RPTOR: variants seen among roughly 807,000 people sequenced by gnomAD.
The protein encoded by RPTOR is regulatory-associated protein of mTOR.
A neutral mutation model predicts 169.9 loss-of-function variants in RPTOR; 21 were observed. That is an observed-to-expected ratio of 0.12 (90% CI 0.09 to 0.18). The LOEUF is 0.18. Among genes scored for constraint, RPTOR ranks in the 10% least tolerant of loss-of-function variants. RPTOR has a pLI of 1.00. For missense variants in RPTOR, 1,133 were observed against 1,855.9 expected (o/e 0.61, Z 7.16); for synonymous variants, 732 against 753.2 (o/e 0.97, Z 0.46).
At chr17:80,950,189 G>A (rs1049920389) in intron 28 of RPTOR, among the ~76,000 whole-genome samples, 1 of 152,218 alleles carries the variant, frequency 6.6e-6, no homozygotes, top group Non-Finnish European at 1.5e-5. Flanking sequence ...CCAGGCATTC[G>A]CCTCTAGGAG....
intron 6 of RPTOR, among the ~76,000 whole-genome samples, chr17:80,760,754 C>T (rs939926451): frequency 5.3e-5 from 8 of 152,188 alleles, no homozygotes; most frequent in Admixed American, 3.3e-4. Flanking sequence ...TGGAGAAGGG[C>T]GATGCTCGGG....
chr17:80,573,258 A>G lies in RPTOR; in HGVS notation c.162+27467A>G, dbSNP rs150507209. ...GGCTATTCTTGTTCTTTTGTTCTTC[A>G]TATAGGTTTAACAATTAGCTTGACG... On this transcript the variant is annotated intron_variant, in intron 1 of 33. Coordinates refer to ENST00000306801, the MANE Select transcript of RPTOR (RefSeq NM_020761.3). Among the ~76,000 whole-genome samples, 415 of 152,292 alleles carry G rather than the reference A, an allele frequency of 2.7e-3. 2 individuals are homozygous for G. Among genetic ancestry groups the G allele is most frequent in the Non-Finnish European group, 4.1e-3 (280 of 68,026 alleles).
intron 6 of RPTOR, among the ~76,000 whole-genome samples, chr17:80,772,893 C>T (rs2066858469): frequency 6.6e-6 from 1 of 152,152 alleles, no homozygotes; most frequent in South Asian, 2.1e-4. Context: ...GGTGTGAACT[C>T]GCCTGGGGCT....
In RPTOR at chr17:80,844,143, C is replaced by T. The variant is rs994799847; in HGVS notation, c.1213-2330C>T. Among the ~76,000 whole-genome samples, 15 of 152,154 alleles carry T rather than the reference C, an allele frequency of 9.9e-5. No homozygotes were observed. The highest frequency in any genetic ancestry group is 3.4e-4 in the African/African-American group (14 of 41,420). ...GTGAATCATGGGTGGAGACACGGGC[C>T]GCTCTCGAGATGTTTTCCGGAATAT... is the stretch of plus-strand genomic sequence containing the variant. On this transcript the variant is annotated intron_variant, in intron 10 of 33. Coordinates refer to ENST00000306801, the MANE Select transcript of RPTOR (RefSeq NM_020761.3). The surrounding 1 kb of genome is among the most constrained non-coding windows in gnomAD (Gnocchi z 4.7).
chr17:80,607,581 T>C (rs1345040517), intron 1 of RPTOR, among the ~76,000 whole-genome samples: 4 of 129,852 alleles, frequency 3.1e-5, no homozygotes, highest in Non-Finnish European at 4.8e-5. Context: ...TAATGGCATA[T>C]ATGTGTATAT....
rs2084263013 is a variant in RPTOR, at chr17:80,545,485, T to G, written c.-145T>G. 1.6e-6 allele frequency: 1 copy of G among 618,548 alleles called. No homozygotes were observed. Among genetic ancestry groups the G allele is most frequent in the Non-Finnish European group, 2.8e-6 (1 of 358,298 alleles). 38.3% of individuals were successfully genotyped at this position (618,548 alleles called of 1,614,324 possible). A position where few individuals can be genotyped will look rare whatever the true frequency, so the allele number is the denominator to read the frequency against. On this transcript the variant is annotated 5_prime_UTR_variant, in exon 1 of 34. Coordinates refer to ENST00000306801, the MANE Select transcript of RPTOR (RefSeq NM_020761.3). The stretch of plus-strand genomic sequence containing the variant: ...TAAGGATCTCAGACTTTTGCCTGAG[T>G]AAGGGTCTCCGCACTCTTTATCCAT...
intron 1 of RPTOR, among the ~76,000 whole-genome samples, chr17:80,577,375 A>G (rs1157770518): frequency 6.6e-6 from 1 of 152,046 alleles, no homozygotes; most frequent in African/African-American, 2.4e-5. Context: ...ATGGAATTCT[A>G]GAGTGATGTT....
intron 3 of RPTOR, among the ~76,000 whole-genome samples, chr17:80,656,504 A>G (rs889399193): frequency 2.0e-5 from 3 of 152,210 alleles, no homozygotes; most frequent in Non-Finnish European, 2.9e-5. Flanking sequence ...GCAGATGCAG[A>G]ATGGGACTTT....
intron 11 of RPTOR, among the ~76,000 whole-genome samples, chr17:80,852,330 AGCCGGCCCCAGAGCCAGT>A (rs1317339479): frequency 8.5e-5 from 13 of 152,188 alleles, no homozygotes. Context: ...ACATCAGGTT[AGCCGGCCCCAGAGCCAGT>A]GCTTTTCCTC....
At chr17:80,912,492 C>T (rs931697789) in intron 21 of RPTOR, among the ~76,000 whole-genome samples, 1 of 152,074 alleles carries the variant, frequency 6.6e-6, no homozygotes, top group Non-Finnish European at 1.5e-5. Context: ...AACTGTAATC[C>T]GAGTGCCTAA....
At chr17:80,884,388 G>A (rs1038348828) in intron 16 of RPTOR, among the ~76,000 whole-genome samples, 4 of 152,202 alleles carry the variant, frequency 2.6e-5, no homozygotes, top group Non-Finnish European at 4.4e-5. Flanking sequence ...GAGTGGCCGC[G>A]GGCTGGAACT....
At position 80,754,898 on chromosome 17, in the gene RPTOR, T is replaced by C. The variant is rs1282665569; in HGVS notation, c.830+713T>C. On this transcript the variant is annotated intron_variant, in intron 6 of 33. Transcript: ENST00000306801. This position sits in a 1 kb window ranked among gnomAD's most constrained non-coding sequence, Gnocchi z 4.2. ...CCTCTCCCTTGAGGTGCCGTGCGAA[T>C]GGTGCAGCTGTGCAGCAGACACCGT... Among the ~76,000 whole-genome samples, 1 of 152,222 alleles carries C rather than the reference T, an allele frequency of 6.6e-6. No homozygotes were observed. Among genetic ancestry groups the C allele is most frequent in the Non-Finnish European group, 1.5e-5 (1 of 68,034 alleles).
At chr17:80,902,423 T>A (rs2143911505) in intron 20 of RPTOR, among the ~76,000 whole-genome samples, 1 of 152,310 alleles carries the variant, frequency 6.6e-6, no homozygotes, top group Non-Finnish European at 1.5e-5. Flanking sequence ...CCAGGTGGTC[T>A]TGCCGGGAGG....
At chr17:80,919,986 G>A (rs571766836) in intron 21 of RPTOR, among the ~76,000 whole-genome samples, 59 of 152,352 alleles carry the variant, frequency 3.9e-4, no homozygotes, top group Middle Eastern at 6.8e-3. Context: ...AGGCTGTGCG[G>A]GCCGCACTCA....
chr17:80,584,578 G>A (rs1296034099), intron 1 of RPTOR, among the ~76,000 whole-genome samples: 1 of 152,118 alleles, frequency 6.6e-6, no homozygotes, highest in African/African-American at 2.4e-5. Context: ...CGTTTACCAT[G>A]TCTCAATAAA....
At chr17:80,585,443 A>G (rs556081153) in intron 1 of RPTOR, among the ~76,000 whole-genome samples, 63 of 152,038 alleles carry the variant, frequency 4.1e-4, no homozygotes, top group African/African-American at 1.5e-3. Flanking sequence ...TGACCTCATG[A>G]TCCATCCGCC....
At chr17:80,570,643 T>G (rs903280415) in intron 1 of RPTOR, among the ~76,000 whole-genome samples, 10 of 151,986 alleles carry the variant, frequency 6.6e-5, no homozygotes, top group Non-Finnish European at 1.5e-4. Context: ...GTATTTTTAG[T>G]AGAGATGGGG....
At chr17:80,725,568 A>G (rs1333704101) in intron 4 of RPTOR, among the ~76,000 whole-genome samples, 1 of 152,170 alleles carries the variant, frequency 6.6e-6, no homozygotes, top group African/African-American at 2.4e-5. Flanking sequence ...AGGATGACAG[A>G]GGAATATTCC....
chr17:80,612,545 T>C (rs2065278826), intron 1 of RPTOR, among the ~76,000 whole-genome samples: 1 of 152,268 alleles, frequency 6.6e-6, no homozygotes, highest in African/African-American at 2.4e-5. Context: ...TCTGAAGCCA[T>C]TCTGATTTTC....
Sources: gnomAD v4.1 joint callset for allele counts (sites outside exome capture counted in the v4.1 genomes callset) on GRCh38, gnomAD v4.1.1 for gene constraint, Gnocchi (gnomAD v3.1) non-coding constraint, MANE v1.5 for transcripts, NCBI Gene and HGNC (gene_info 2026-07-23, HGNC 2026-07-21) for gene names.